The following SLC36A1 variants were observed in gnomAD, a reference collection of about 807,000 sequenced individuals.
The protein encoded by SLC36A1 is proton-coupled amino acid transporter 1.
In SLC36A1, 30 loss-of-function variants were observed where a neutral mutation model predicts 47.5. That is an observed-to-expected ratio of 0.63 (90% CI 0.47 to 0.86). SLC36A1 has a LOEUF of 0.86. Among genes scored for constraint, SLC36A1 ranks in the 40% least tolerant of loss-of-function variants. The probability of loss-of-function intolerance (pLI) is 0.00; values close to 1 mark genes in which losing one functional copy is unlikely to be tolerated. For synonymous variants in SLC36A1, 255 were observed against 249.7 expected (o/e 1.02, Z -0.20); for missense variants, 517 against 606.0 (o/e 0.85, Z 1.54).
the SLC36A1 span, among the ~76,000 whole-genome samples, chr5:151,503,759 C>T: frequency 6.6e-6 from 1 of 152,066 alleles, no homozygotes; most frequent in Non-Finnish European, 1.5e-5. Context: ...GGCAGGAAGC[C>T]CCAGGTCTTG....
rs1482137085 is a variant in SLC36A1, at chr5:151,490,020, G to T, written c.*1766G>T. 2 of 152,210 alleles carry T rather than the reference G, an allele frequency of 1.3e-5. No homozygotes were observed. Among genetic ancestry groups the T allele is most frequent in the African/African-American group, 2.4e-5 (1 of 41,448 alleles). The allele number at this position is 152,210 out of a possible 1,614,324, so 9.4% of individuals were successfully genotyped here. Reference sequence around the variant, plus strand: ...GGCCCCAGTTTTTTCTGTCTCTTCTGTTCCAAAGCCAGGAGAGCTGACTTC... The same window carrying T: ...GGCCCCAGTTTTTTCTGTCTCTTCTTTTCCAAAGCCAGGAGAGCTGACTTC... On this transcript the variant is annotated 3_prime_UTR_variant, in exon 11 of 11. Coordinates refer to ENST00000243389, the MANE Select transcript of SLC36A1 (RefSeq NM_078483.4).
chr5:151,505,281 G>A, the SLC36A1 span: 166 of 488,364 alleles, frequency 3.4e-4, no homozygotes, highest in Middle Eastern at 2.1e-3. Context: ...CCTGTCTCTC[G>A]CCCACCCCGG....
chr5:151,352,753 A>G, the SLC36A1 span, among the ~76,000 whole-genome samples: 10 of 152,214 alleles, frequency 6.6e-5, 1 homozygote, highest in South Asian at 2.1e-3. Context: ...CTCTGCTTCT[A>G]TCCCATGGGC....
the SLC36A1 span, chr5:151,540,547 A>G: frequency 0.077 from 122,079 of 1,590,006 alleles, 5,236 homozygotes; most frequent in African/African-American, 0.16. Context: ...TACCCACTCC[A>G]CCCCTCGCCA....
the SLC36A1 span, among the ~76,000 whole-genome samples, chr5:151,405,707 T>C: frequency 6.1e-3 from 924 of 152,318 alleles, 17 homozygotes; most frequent in East Asian, 0.032. Flanking sequence ...CTTTATCTTT[T>C]TGAATTTGCT....
At chr5:151,372,322 A>G in the SLC36A1 span, among the ~76,000 whole-genome samples, 1 of 152,218 alleles carries the variant, frequency 6.6e-6, no homozygotes, top group Admixed American at 6.5e-5. Context: ...TATTTCTAAA[A>G]TTAATTTGGA....
chr5:151,414,000 A>G, the SLC36A1 span, among the ~76,000 whole-genome samples: 1 of 152,170 alleles, frequency 6.6e-6, no homozygotes, highest in Admixed American at 6.5e-5. Flanking sequence ...GAATGTACAG[A>G]CCTATTTGCT....
At chr5:151,543,227 T>A in the SLC36A1 span, 13 of 1,614,154 alleles carry the variant, frequency 8.1e-6, no homozygotes, top group South Asian at 1.4e-4. Flanking sequence ...TTAATTTCAA[T>A]GACATCTTTA....
chr5:151,382,993 T>A, the SLC36A1 span, among the ~76,000 whole-genome samples: 4 of 152,202 alleles, frequency 2.6e-5, no homozygotes, highest in African/African-American at 9.6e-5. Flanking sequence ...CTCAATCTCC[T>A]GACCTCGTGA....
the SLC36A1 span, among the ~76,000 whole-genome samples, chr5:151,416,022 C>T: frequency 6.6e-6 from 1 of 152,234 alleles, no homozygotes; most frequent in African/African-American, 2.4e-5. Context: ...AGGAGAATCA[C>T]TTGAGCCCAG....
At chr5:151,419,281 A>G in the SLC36A1 span, among the ~76,000 whole-genome samples, 1,120 of 152,274 alleles carry the variant, frequency 7.4e-3, 18 homozygotes, top group African/African-American at 0.026. Flanking sequence ...CAACCCTATC[A>G]TGATTTGCTG....
rs1364354160 is a variant in SLC36A1, at chr5:151,491,822, A to G, written c.*3568A>G. ...GCCTTAGAAGTTAATTTTCCAAAGTACATTACAAATCTCTGAGGCCATTAG... is the reference window on the plus strand; with the variant it reads ...GCCTTAGAAGTTAATTTTCCAAAGTGCATTACAAATCTCTGAGGCCATTAG... On this transcript the variant is annotated 3_prime_UTR_variant, in exon 11 of 11. Transcript: ENST00000243389. 1 of 152,396 alleles carries G rather than the reference A, an allele frequency of 6.6e-6. No individual in the cohort carries two copies. Among genetic ancestry groups the G allele is most frequent in the African/African-American group, 2.4e-5 (1 of 41,476 alleles). 9.4% of individuals were successfully genotyped at this position (152,396 alleles called of 1,614,324 possible).
chr5:151,467,825 T>C lies in SLC36A1; in HGVS notation c.623T>C (p.Leu208Pro). Residue 208 changes from leucine (L) to proline (P), a missense_variant, in exon 7 of 11, where the codon CTG becomes CCG. By Grantham distance (98) the Leu-to-Pro change is moderately conservative. Coordinates refer to ENST00000243389, the MANE Select transcript of SLC36A1 (RefSeq NM_078483.4). ...MLSFLPFLVLLVFIRNLRALS... is the reference protein window; with the variant it reads ...MLSFLPFLVLPVFIRNLRALS... ...TCCTTCCTGCCCTTCCTGGTGCTGCTGGTTTTCATCAGGAACCTCCGAGCC... is the reference window on the plus strand; with the variant it reads ...TCCTTCCTGCCCTTCCTGGTGCTGCCGGTTTTCATCAGGAACCTCCGAGCC... 1 of 1,614,082 alleles carries C rather than the reference T, an allele frequency of 6.2e-7. No individual in the cohort carries two copies. The highest frequency in any genetic ancestry group is 8.5e-7 in the Non-Finnish European group (1 of 1,180,002).
chr5:151,460,792 G>A (rs950325128), intron 2 of SLC36A1, among the ~76,000 whole-genome samples: 1 of 149,390 alleles, frequency 6.7e-6, no homozygotes, highest in African/African-American at 2.5e-5. Flanking sequence ...TTTTGAGCTG[G>A]GTTCCTTTTA....
chr5:151,406,480 G>A, the SLC36A1 span: 2 of 152,222 alleles, frequency 1.3e-5, no homozygotes, highest in African/African-American at 4.8e-5. Context: ...TACCTTCAAA[G>A]GCAAAGACAG....
chr5:151,531,247 T>G, the SLC36A1 span, among the ~76,000 whole-genome samples: 1 of 152,182 alleles, frequency 6.6e-6, no homozygotes. The surrounding 1 kb of genome is among the most constrained non-coding windows in gnomAD (Gnocchi z 5.7). Context: ...GCTCCCTGCC[T>G]CTGCAGCCAA....
At chr5:151,349,577 A>G in the SLC36A1 span, among the ~76,000 whole-genome samples, 24 of 152,078 alleles carry the variant, frequency 1.6e-4, no homozygotes, top group Non-Finnish European at 3.2e-4. Context: ...AGGCATGAGA[A>G]CCCCAAGGGC....
rs1410550369 is a variant in SLC36A1 at position 151,462,680 on chromosome 5, T to A, written c.144-873T>A. ...ACCTGGCCTGACTTTTTTTTTTTTT[T>A]AAATACTAAATGTATCAGGGACTTC... On this transcript the variant is annotated intron_variant, in intron 2 of 10. Coordinates refer to ENST00000243389, the MANE Select transcript of SLC36A1 (RefSeq NM_078483.4). 5.9e-5 allele frequency among the ~76,000 whole-genome samples: 9 copies of A among 151,722 alleles called. No homozygotes were observed. The South Asian group carries it at 6.3e-4, about 11-fold the overall frequency.
rs923268750 is a variant in SLC36A1 at position 151,467,979 on chromosome 5, G to A, written c.723+54G>A. The A allele has an allele frequency of 9.9e-6, 15 of 1,514,466 alleles. No homozygotes were observed. In the East Asian group the frequency reaches 2.3e-4, roughly 23 times the overall value. 93.8% of individuals were successfully genotyped at this position (1,514,466 alleles called of 1,614,324 possible). On this transcript the variant is annotated intron_variant, in intron 7 of 10. Coordinates refer to ENST00000243389, the MANE Select transcript of SLC36A1 (RefSeq NM_078483.4). Reference sequence around the variant, plus strand: ...TTGGTTCAATATTTTAAAAAAGCCAGGCGTGGTAGCTCATGCCTGTAATCC... The same window carrying A: ...TTGGTTCAATATTTTAAAAAAGCCAAGCGTGGTAGCTCATGCCTGTAATCC...
Sources: allele counts gnomAD v4.1 joint callset (sites outside exome capture counted in the v4.1 genomes callset), GRCh38; gene constraint gnomAD v4.1.1; non-coding constraint Gnocchi (gnomAD v3.1); transcripts MANE v1.5; gene names NCBI Gene and HGNC (gene_info 2026-07-23, HGNC 2026-07-21).